The following PSME3 variants were observed in gnomAD, a reference collection of about 807,000 sequenced individuals.
PSME3 encodes proteasome activator subunit 3.
PSME3 carries 7 observed loss-of-function variants against 38.3 expected under a neutral mutation model. That is an observed-to-expected ratio of 0.18 (90% confidence interval 0.10 to 0.34). The LOEUF is 0.34. Among genes scored for constraint, PSME3 ranks in the 10% least tolerant of loss-of-function variants. PSME3 has a pLI of 1.00. For missense variants in PSME3, 192 were observed against 307.6 expected (o/e 0.62, Z 2.81); for synonymous variants, 108 against 105.7 (o/e 1.02, Z -0.13).
At chr17:42,834,941 C>A in intron 4 of PSME3, 65 bp downstream of exon 4, 1 of 1,597,962 alleles carries the variant, frequency 6.3e-7, no homozygotes, top group Non-Finnish European at 8.5e-7. Flanking sequence ...GTTTCCTTGT[C>A]AGTTTAAGAT....
At position 42,839,095 on chromosome 17, in the gene PSME3, C is replaced by T. The variant is rs1386912740; in HGVS notation, c.543-17C>T. Reference sequence around the variant, plus strand: ...CAAGGGTCTCCTGCATCTTCCTCCTCTTCTCTCTCTTTCCAGATATTATAT... The same window carrying T: ...CAAGGGTCTCCTGCATCTTCCTCCTTTTCTCTCTCTTTCCAGATATTATAT... On this transcript the variant is annotated splice_polypyrimidine_tract_variant and intron_variant, in intron 8 of 10. Coordinates refer to ENST00000590720, the MANE Select transcript of PSME3 (RefSeq NM_005789.4). The T allele has an allele frequency of 6.3e-7, 1 of 1,588,402 alleles. No homozygotes were observed. The highest frequency in any genetic ancestry group is 8.6e-7 in the Non-Finnish European group (1 of 1,156,638).
rs772346447 is a variant in PSME3, at chr17:42,839,391, T to G, written c.684+11T>G. The G allele has an allele frequency of 6.3e-7, 1 of 1,578,396 alleles. No homozygotes were observed. Among genetic ancestry groups the G allele is most frequent in the African/African-American group, 1.3e-5 (1 of 74,254 alleles). On this transcript the variant is annotated intron_variant, in intron 10 of 10. Transcript: ENST00000590720. ...CTGAGGAATCAATATGTGAGTAATC[T>G]CAGTCCTTGTCCATAGTTGCTGTGG...
At chr17:42,839,441 T>C (rs1397377863) in intron 10 of PSME3, 61 bp downstream of exon 10, 1 of 1,386,488 alleles carries the variant, frequency 7.2e-7, no homozygotes, top group Non-Finnish European at 1.0e-6. Flanking sequence ...GTTGAGAGTA[T>C]TGTTAAAATT....
chr17:42,835,724 C>CAAA (rs543220645), intron 4 of PSME3, among the ~76,000 whole-genome samples: 2,829 of 121,986 alleles, frequency 0.023, 76 homozygotes, highest in African/African-American at 0.078. Context: ...GACTCTGTCT[C>CAAA]AAAAAAAAAA....
chr17:42,841,332 C>G (rs1216778367), intron 10 of PSME3, among the ~76,000 whole-genome samples, 166 bp from the exon 11 acceptor site: 2 of 152,056 alleles, frequency 1.3e-5, no homozygotes, highest in African/African-American at 2.4e-5. Context: ...TGCTTACCTG[C>G]TGTACTTTAA....
chr17:42,837,548 G>C, intron 4 of PSME3, 101 bp from the exon 5 acceptor site: 1 of 1,189,234 alleles, frequency 8.4e-7, no homozygotes, highest in Non-Finnish European at 1.3e-6. Context: ...AATAACATAA[G>C]CTATGAGGCT....
chr17:42,834,618 T>C (rs1281034302), intron 3 of PSME3, 41 bp downstream of exon 3: 7 of 1,611,620 alleles, frequency 4.3e-6, no homozygotes, highest in Non-Finnish European at 5.9e-6. Context: ...CCAATTTTTT[T>C]GGCCCTGGTA....
intron 1 of PSME3, chr17:42,834,008 A>G (rs1030031914): frequency 3.5e-6 from 5 of 1,439,634 alleles, no homozygotes; most frequent in Middle Eastern, 2.4e-4. Flanking sequence ...GCCTAGTATC[A>G]TAGACTAGGT....
intron 10 of PSME3, among the ~76,000 whole-genome samples, chr17:42,840,119 A>G (rs2055513254): frequency 6.6e-6 from 1 of 151,672 alleles, no homozygotes. Context: ...TTTACTAAAA[A>G]AAAAAAAAAA....
intron 1 of PSME3, 149 bp from the exon 2 acceptor site, chr17:42,834,195 T>C (rs1187951458): frequency 1.8e-5 from 28 of 1,540,168 alleles, no homozygotes; most frequent in East Asian, 2.4e-5. Flanking sequence ...GAAAAATGGA[T>C]CCTCAAAAAA....
At chr17:42,840,908 C>T (rs965436844) in intron 10 of PSME3, among the ~76,000 whole-genome samples, 12 of 151,818 alleles carry the variant, frequency 7.9e-5, no homozygotes, top group Non-Finnish European at 1.0e-4. Flanking sequence ...CCGAGGCGGG[C>T]GGATCACGAG....
chr17:42,840,619 A>G (rs948204560), intron 10 of PSME3, among the ~76,000 whole-genome samples: 4 of 152,188 alleles, frequency 2.6e-5, no homozygotes, highest in African/African-American at 9.7e-5. Context: ...AAAAAAAGAA[A>G]ACAAAACTGA....
In PSME3 at chr17:42,843,338, C is replaced by T. The variant is rs1250046860; in HGVS notation, c.*1760C>T. ...ACCCACCTCCATGGACACCTAGCCA[C>T]CCTGTTGTGTGTCCTTATGCCAGTT... is the stretch of plus-strand genomic sequence containing the variant. On this transcript the variant is annotated 3_prime_UTR_variant, in exon 11 of 11. Transcript: ENST00000590720. 2 of 152,764 alleles carry T rather than the reference C, an allele frequency of 1.3e-5. No individual in the cohort carries two copies. The highest frequency in any genetic ancestry group is 4.8e-5 in the African/African-American group (2 of 41,434). 9.5% of individuals were successfully genotyped at this position (152,764 alleles called of 1,614,324 possible). A position where few individuals can be genotyped will look rare whatever the true frequency, so the allele number is the denominator to read the frequency against.
chr17:42,833,815 C>T (rs780446192), intron 1 of PSME3, 142 bp downstream of exon 1: 3 of 1,573,206 alleles, frequency 1.9e-6, no homozygotes, highest in South Asian at 2.3e-5. Flanking sequence ...CCCCAACTCC[C>T]GGGGTCGGCT....
chr17:42,841,460 G>C, intron 10 of PSME3, 38 bp from the exon 11 acceptor site: 1 of 1,386,668 alleles, frequency 7.2e-7, no homozygotes, highest in East Asian at 2.3e-5. Flanking sequence ...GGTAAGGGTT[G>C]TACAGATATG....
intron 1 of PSME3, 138 bp downstream of exon 1, chr17:42,833,811 C>A (rs756564535): frequency 8.3e-6 from 13 of 1,575,404 alleles, no homozygotes; most frequent in Admixed American, 3.9e-5. Context: ...CAGCCCCCAA[C>A]TCCCGGGGTC....
At chr17:42,840,835 T>A (rs2055522690) in intron 10 of PSME3, among the ~76,000 whole-genome samples, 2 of 152,092 alleles carry the variant, frequency 1.3e-5, no homozygotes, top group Admixed American at 6.6e-5. Flanking sequence ...CAAGTGAGAT[T>A]AAAATTACAG....
intron 1 of PSME3, 191 bp downstream of exon 1, chr17:42,833,864 C>T (rs1420311358): frequency 1.3e-6 from 2 of 1,491,376 alleles, no homozygotes; most frequent in Non-Finnish European, 1.8e-6. Context: ...TTCTGTACCG[C>T]GTCTGATGAT....
intron 5 of PSME3, 68 bp from the exon 6 acceptor site, chr17:42,838,025 G>A: frequency 6.5e-7 from 1 of 1,537,014 alleles, no homozygotes; most frequent in Admixed American, 1.7e-5. Flanking sequence ...TAGGGAAAAT[G>A]AGAGAGAGGC....
Sources: gnomAD v4.1 joint callset for allele counts (sites outside exome capture counted in the v4.1 genomes callset) on GRCh38, gnomAD v4.1.1 for gene constraint, MANE v1.5 for transcripts, NCBI Gene and HGNC (gene_info 2026-07-23, HGNC 2026-07-21) for gene names.